The following ADAMTSL1 variants were observed in gnomAD, a reference collection of about 807,000 sequenced individuals.
ADAMTSL1 encodes ADAMTS like 1, also known as ADAMTS-like protein 1.
A neutral mutation model predicts 201.8 loss-of-function variants in ADAMTSL1; 126 were observed. The observed-to-expected ratio is 0.62, with a 90% CI of 0.54 to 0.72. The LOEUF is 0.72. ADAMTSL1 is among the 30% of genes least tolerant of loss of function. The probability of loss-of-function intolerance (pLI) is 0.00; values close to 1 mark genes in which losing one functional copy is unlikely to be tolerated. For missense variants in ADAMTSL1, 2,679 were observed against 2,277.8 expected, an observed-to-expected ratio of 1.18 and a Z score of -3.59; for synonymous variants, 1,121 against 903.4, an observed-to-expected ratio of 1.24 and a Z score of -4.32.
chr9:18,254,580 G>T (rs1430117091), intron 2 of ADAMTSL1, among the ~76,000 whole-genome samples: 3 of 151,470 alleles, frequency 2.0e-5, no homozygotes, highest in African/African-American at 2.4e-5. Flanking sequence ...AGCCAGGATG[G>T]TCTCGATCTC....
At chr9:18,416,607 A>G (rs942704849) in intron 2 of ADAMTSL1, among the ~76,000 whole-genome samples, 2 of 152,062 alleles carry the variant, frequency 1.3e-5, no homozygotes, top group African/African-American at 4.8e-5. Flanking sequence ...AACATTTATC[A>G]AAAGAAATCT....
intron 3 of ADAMTSL1, among the ~76,000 whole-genome samples, chr9:18,561,915 C>T (rs952815974): frequency 7.2e-5 from 11 of 151,998 alleles, no homozygotes; most frequent in African/African-American, 2.7e-4. Flanking sequence ...CTATGTGTGT[C>T]CTTGCATATG....
chr9:18,273,550 C>T (rs2132591633), intron 2 of ADAMTSL1, among the ~76,000 whole-genome samples: 1 of 152,328 alleles, frequency 6.6e-6, no homozygotes, highest in Non-Finnish European at 1.5e-5. Flanking sequence ...TTTGGTTCTG[C>T]AGGCCCCCTG....
At chr9:17,936,806 C>G (rs1426493385) in intron 1 of ADAMTSL1, among the ~76,000 whole-genome samples, 1 of 152,186 alleles carries the variant, frequency 6.6e-6, no homozygotes, top group Non-Finnish European at 1.5e-5. Flanking sequence ...TCCCCTTCCA[C>G]AAATAAACTT....
intron 21 of ADAMTSL1, among the ~76,000 whole-genome samples, chr9:18,818,291 G>T (rs1823989662): frequency 7.6e-6 from 1 of 130,806 alleles, no homozygotes; most frequent in South Asian, 2.8e-4. Context: ...TACCCTGTCT[G>T]CAGAGTAGAT....
chr9:18,606,073 A>T (rs894327407), intron 4 of ADAMTSL1, among the ~76,000 whole-genome samples: 1 of 152,258 alleles, frequency 6.6e-6, no homozygotes, highest in Non-Finnish European at 1.5e-5. Context: ...AGGTCTCTGC[A>T]GGGTTAGGCC....
chr9:18,182,611 C>T (rs1245399865), intron 2 of ADAMTSL1, among the ~76,000 whole-genome samples: 1 of 152,180 alleles, frequency 6.6e-6, no homozygotes, highest in African/African-American at 2.4e-5. Context: ...GGTTGAACTG[C>T]AGAGTGGCAG....
At chr9:18,821,805 C>T (rs1824227326) in intron 21 of ADAMTSL1, among the ~76,000 whole-genome samples, 1 of 152,160 alleles carries the variant, frequency 6.6e-6, no homozygotes, top group Non-Finnish European at 1.5e-5. Context: ...GGAAACCCCA[C>T]CTTGAGATGT....
intron 7 of ADAMTSL1, 79 bp from the exon 8 acceptor site, chr9:18,657,560 A>G (rs776776): frequency 0.58 from 603,204 of 1,047,626 alleles, 177,598 homozygotes; most frequent in East Asian, 0.88. Context: ...GCACTACCAT[A>G]TACTCTTGTT....
At chr9:17,929,180 T>C (rs1389997034) in intron 1 of ADAMTSL1, among the ~76,000 whole-genome samples, 1 of 152,172 alleles carries the variant, frequency 6.6e-6, no homozygotes, top group Non-Finnish European at 1.5e-5. Flanking sequence ...CTTCAGATTT[T>C]TGAGAAACAG....
At chr9:18,511,658 T>G (rs1818031931) in intron 2 of ADAMTSL1, among the ~76,000 whole-genome samples, 1 of 152,178 alleles carries the variant, frequency 6.6e-6, no homozygotes, top group Non-Finnish European at 1.5e-5. Flanking sequence ...AGGTCTCATT[T>G]CATAATAATT....
intron 23 of ADAMTSL1, among the ~76,000 whole-genome samples, chr9:18,844,814 G>T (rs1476229320): frequency 6.6e-6 from 1 of 152,226 alleles, no homozygotes; most frequent in Non-Finnish European, 1.5e-5. Context: ...CAATCAGCAA[G>T]ACTCTGTGGG....
intron 14 of ADAMTSL1, among the ~76,000 whole-genome samples, chr9:18,715,774 G>T (rs1381640329): frequency 6.6e-6 from 1 of 151,490 alleles, no homozygotes; most frequent in Non-Finnish European, 1.5e-5. Context: ...AGCCCACATT[G>T]CCCAGTCAAT....
chr9:18,745,515 G>A (rs79621071), intron 15 of ADAMTSL1, among the ~76,000 whole-genome samples: 10,839 of 152,070 alleles, frequency 0.071, 823 homozygotes, highest in African/African-American at 0.19. Flanking sequence ...CTGCCCAGAC[G>A]TCAGCTATTT....
At chr9:18,100,992 A>T (rs746056615) in intron 1 of ADAMTSL1, among the ~76,000 whole-genome samples, 1 of 152,114 alleles carries the variant, frequency 6.6e-6, no homozygotes, top group Middle Eastern at 3.2e-3. Context: ...CCTCGCCTGC[A>T]TGTAGTTGGG....
At chr9:18,816,495 C>G (rs997421930) in intron 20 of ADAMTSL1, among the ~76,000 whole-genome samples, 1 of 152,146 alleles carries the variant, frequency 6.6e-6, no homozygotes, top group Non-Finnish European at 1.5e-5. Context: ...CCTCAGCCTC[C>G]CAAAGTGCTG....
At chr9:18,303,138 A>G (rs1833769126) in intron 2 of ADAMTSL1, among the ~76,000 whole-genome samples, 1 of 152,214 alleles carries the variant, frequency 6.6e-6, no homozygotes, top group Non-Finnish European at 1.5e-5. Flanking sequence ...TTTAAAGAAA[A>G]TAATGGAAAT....
chr9:18,043,776 T>G (rs1821537003), intron 1 of ADAMTSL1, among the ~76,000 whole-genome samples: 1 of 152,034 alleles, frequency 6.6e-6, no homozygotes, highest in African/African-American at 2.4e-5. Flanking sequence ...AAAATAATAA[T>G]TCTAGATTTT....
chr9:18,070,295 G>A (rs1375060353), intron 1 of ADAMTSL1, among the ~76,000 whole-genome samples: 2 of 152,200 alleles, frequency 1.3e-5, no homozygotes. Context: ...CCAGTGCTGG[G>A]AAACCCATCT....
Sources: allele counts gnomAD v4.1 joint callset (sites outside exome capture counted in the v4.1 genomes callset), GRCh38; gene constraint gnomAD v4.1.1; transcripts MANE v1.5; gene names NCBI Gene and HGNC (gene_info 2026-07-23, HGNC 2026-07-21).